The following NCOR2 variants were observed in gnomAD, a reference collection of about 807,000 sequenced individuals.
The protein encoded by NCOR2 is CTG repeat protein 26.
NCOR2 carries 81 observed loss-of-function variants against 262.9 expected under a neutral mutation model. That is an observed-to-expected ratio of 0.31 (90% CI 0.26 to 0.37). The LOEUF (loss-of-function observed/expected upper bound fraction) is 0.37. NCOR2 is among the 10% of genes least tolerant of loss of function. The pLI, the probability that NCOR2 is intolerant of heterozygous loss-of-function variation, is 1.00. For missense variants in NCOR2, 3,385 were observed against 3,621.4 expected, an observed-to-expected ratio of 0.93 and a Z score of 1.68; for synonymous variants, 1,659 against 1,559.3, an observed-to-expected ratio of 1.06 and a Z score of -1.51.
rs2035800064 is a variant in NCOR2, at chr12:124,335,470, G to C, written c.6265+13C>G. On this transcript the variant is annotated intron_variant, in intron 39 of 46. Coordinates refer to ENST00000405201, the Ensembl canonical transcript of NCOR2. The stretch of plus-strand genomic sequence containing the variant: ...GCAGGGCTTCGGGGGCCTGGGTACT[G>C]GGTGGGGCGTACCTGGCTGCTTGGG... 2 of 1,601,488 alleles carry C rather than the reference G, an allele frequency of 1.2e-6. No individual in the cohort carries two copies. Among genetic ancestry groups the C allele is most frequent in the African/African-American group, 2.7e-5 (2 of 74,896 alleles).
chr12:124,559,234 C>G (rs1231487249), intron 1 of NCOR2, among the ~76,000 whole-genome samples: 1 of 152,172 alleles, frequency 6.6e-6, no homozygotes, highest in Non-Finnish European at 1.5e-5. Context: ...AAGCATCAGC[C>G]ACAAGTCCAG....
chr12:124,435,392 G>T (rs776443106), intron 8 of NCOR2, among the ~76,000 whole-genome samples: 14 of 152,220 alleles, frequency 9.2e-5, no homozygotes, highest in Non-Finnish European at 1.8e-4. Flanking sequence ...CAGTCAAGGT[G>T]GGGGATCTGA....
intron 13 of NCOR2, among the ~76,000 whole-genome samples, chr12:124,415,039 A>C (rs1391158066): frequency 6.6e-6 from 1 of 152,186 alleles, no homozygotes; most frequent in Non-Finnish European, 1.5e-5. Flanking sequence ...AGCACAGGGC[A>C]GTGGCTCCCC....
In NCOR2 at chr12:124,566,306, C is replaced by A. The variant is rs2052235641; in HGVS notation, c.-165+1002G>T. On this transcript the variant is annotated intron_variant, in intron 1 of 32. Transcript: ENST00000458234. This position sits in a 1 kb window ranked among gnomAD's most constrained non-coding sequence, Gnocchi z 4.3. ...ACCAGACCCTCGGAGAGCCGGAGCG[C>A]GCGACAGGCGGCGGGAGGACACTCG... 6.6e-6 allele frequency among the ~76,000 whole-genome samples: 1 copy of A among 152,222 alleles called. No individual in the cohort carries two copies. Among genetic ancestry groups the A allele is most frequent in the African/African-American group, 2.4e-5 (1 of 41,446 alleles).
In NCOR2 at chr12:124,342,093, C is replaced by T. The variant is rs894244767; in HGVS notation, c.4937-19G>A. The T allele has an allele frequency of 3.1e-6, 5 of 1,594,318 alleles. No individual in the cohort carries two copies. The Admixed American group carries it at 6.7e-5, about 21-fold the overall frequency. On this transcript the variant is annotated intron_variant, in intron 33 of 46. Coordinates refer to ENST00000405201, the Ensembl canonical transcript of NCOR2. ...GCAGCGGCTGCGGGGCAGAGGGGAG[C>T]TCATGTGAGGCCAGCCATACCTAGG...
At chr12:124,330,030 G>A (rs547225266) in intron 44 of NCOR2, among the ~76,000 whole-genome samples, 1 of 152,314 alleles carries the variant, frequency 6.6e-6, no homozygotes, top group South Asian at 2.1e-4. Flanking sequence ...ATATCTGAAC[G>A]ACTATCCTTC....
chr12:124,372,120 G>A (rs1223060453), exon 20 of NCOR2: 12 of 1,601,780 alleles, frequency 7.5e-6, no homozygotes, highest in Non-Finnish European at 1.0e-5. Flanking sequence ...TGGCTGTGGT[G>A]GCCCTGCCGC....
At chr12:124,553,729 G>A (rs2051790189) in intron 1 of NCOR2, among the ~76,000 whole-genome samples, 1 of 152,192 alleles carries the variant, frequency 6.6e-6, no homozygotes, top group Admixed American at 6.5e-5. Flanking sequence ...CAAATGGCCC[G>A]ATTGTACAGC....
chr12:124,558,284 G>A (rs1300534097), intron 1 of NCOR2, among the ~76,000 whole-genome samples: 2 of 113,202 alleles, frequency 1.8e-5, no homozygotes, highest in Non-Finnish European at 3.9e-5. Flanking sequence ...TCCAGACCTG[G>A]CCCAAGGTCT....
At chr12:124,459,549 T>G (rs1210477055) in intron 5 of NCOR2, among the ~76,000 whole-genome samples, 1 of 152,090 alleles carries the variant, frequency 6.6e-6, no homozygotes, top group East Asian at 1.9e-4. Context: ...CTCAGCAATC[T>G]GAGTCTCCTG....
At chr12:124,405,464 C>T (rs2136217948) in intron 13 of NCOR2, among the ~76,000 whole-genome samples, 1 of 152,358 alleles carries the variant, frequency 6.6e-6, no homozygotes, top group East Asian at 1.9e-4. Context: ...GCCCTGTGCA[C>T]AGGCTCCTCA....
intron 22 of NCOR2, among the ~76,000 whole-genome samples, chr12:124,357,923 G>A (rs1348725304): frequency 7.0e-6 from 1 of 143,546 alleles, no homozygotes; most frequent in Non-Finnish European, 1.5e-5. Flanking sequence ...GCGTGCGCAC[G>A]TGCGTGCATG....
intron 1 of NCOR2, among the ~76,000 whole-genome samples, chr12:124,488,639 G>A (rs1334339252): frequency 1.3e-5 from 2 of 152,228 alleles, no homozygotes; most frequent in Non-Finnish European, 2.9e-5. Context: ...GGGAGGGAGT[G>A]GAGGAGGCCA....
intron 19 of NCOR2, among the ~76,000 whole-genome samples, chr12:124,374,110 G>A (rs375939748): frequency 6.6e-6 from 1 of 152,152 alleles, no homozygotes; most frequent in Non-Finnish European, 1.5e-5. Flanking sequence ...TGTAAAATGG[G>A]GATACTTGAA....
chr12:124,325,378 C>CT (rs2034533006), exon 47 of NCOR2: 11 of 232,276 alleles, frequency 4.7e-5, no homozygotes, highest in African/African-American at 2.8e-4. Flanking sequence ...CCTGACACCG[C>CT]CCCCCCCCCC....
intron 4 of NCOR2, among the ~76,000 whole-genome samples, chr12:124,469,960 G>A (rs764823193): frequency 1.3e-5 from 2 of 152,184 alleles, no homozygotes; most frequent in Non-Finnish European, 2.9e-5. Context: ...AAGACCAGCA[G>A]TTTGAGACCA....
Position 124,378,342 on chromosome 12 carries a change from C to CCGG in NCOR2, c.2059_2061dup (p.Pro687dup). ...AATGCAGCCTCCTCGCTGGCCGCCG[C>CCGG]CGGCGCTTTCTTCTTCTTCCTCCGC... On this transcript the variant is annotated inframe_insertion, in exon 18 of 47. Coordinates refer to ENST00000405201, the Ensembl canonical transcript of NCOR2. This position sits in a 1 kb window ranked among gnomAD's most constrained non-coding sequence, Gnocchi z 4.2. 6 of 1,613,874 alleles carry CCGG rather than the reference C, an allele frequency of 3.7e-6. No individual in the cohort carries two copies. Among genetic ancestry groups the CCGG allele is most frequent in the Non-Finnish European group, 5.1e-6 (6 of 1,179,886 alleles).
rs547628366 is a variant in NCOR2 at position 124,492,990 on chromosome 12, C to T, written c.105+2157G>A. On this transcript the variant is annotated intron_variant, in intron 1 of 46. Transcript: ENST00000405201. The stretch of plus-strand genomic sequence containing the variant: ...ACAGGTGGCCCCTGCTGCCCCCACA[C>T]AAGGACAGACATGTTCTCACCTGTG... Among the ~76,000 whole-genome samples, 86 of 152,344 alleles carry T rather than the reference C, an allele frequency of 5.6e-4. 1 individual carries two copies. The highest frequency in any genetic ancestry group is 1.9e-3 in the African/African-American group (79 of 41,582).
At chr12:124,348,218 A>C in exon 29 of NCOR2, 1 of 1,612,704 alleles carries the variant, frequency 6.2e-7, no homozygotes, top group Non-Finnish European at 8.5e-7. Flanking sequence ...GCGGCCCTCC[A>C]TCATGTCATA....
Sources: gnomAD v4.1 joint callset for allele counts (sites outside exome capture counted in the v4.1 genomes callset) on GRCh38, gnomAD v4.1.1 for gene constraint, Gnocchi (gnomAD v3.1) non-coding constraint, MANE v1.5 for transcripts, NCBI Gene and HGNC (gene_info 2026-07-23, HGNC 2026-07-21) for gene names.